TCP11L1: variants seen among roughly 807,000 people sequenced by gnomAD.
TCP11L1 encodes the protein T-complex protein 11-like protein 1.
In TCP11L1, 28 loss-of-function variants were observed where a neutral mutation model predicts 48.9. That is an observed-to-expected ratio of 0.57 (90% CI 0.42 to 0.78). The LOEUF is 0.78. Among genes scored for constraint, TCP11L1 ranks in the 30% least tolerant of loss-of-function variants. The pLI is 0.00. For synonymous variants in TCP11L1, 204 were observed against 231.9 expected (o/e 0.88, Z 1.09); for missense variants, 505 against 613.4 (o/e 0.82, Z 1.87).
At position 33,072,758 on chromosome 11, in the gene TCP11L1, GCTATATAGTACATGT is replaced by G. The variant is rs1854834624; in HGVS notation, c.*87_*101del. The G allele has an allele frequency of 8.1e-6, 12 of 1,487,194 alleles. No homozygotes were observed. The South Asian group carries it at 1.3e-4, about 16-fold the overall frequency. The allele number at this position is 1,487,194 out of a possible 1,614,324, so 92.1% of individuals were successfully genotyped here. ...TACTCTAATGTTGCATTGGAAAATG[GCTATATAGTACATGT>G]CTATTTAACAGCACCGATTCCAAAG... On this transcript the variant is annotated 3_prime_UTR_variant, in exon 10 of 10. Transcript: ENST00000334274.
At chr11:33,050,031 G>T (rs185259176) in intron 2 of TCP11L1, among the ~76,000 whole-genome samples, 115 of 152,224 alleles carry the variant, frequency 7.6e-4, no homozygotes, top group African/African-American at 2.6e-3. Context: ...GTTAGAGAAT[G>T]GTGATGACTT....
At chr11:33,051,418 C>T (rs1037779400) in intron 2 of TCP11L1, among the ~76,000 whole-genome samples, 3 of 151,712 alleles carry the variant, frequency 2.0e-5, no homozygotes, top group African/African-American at 4.8e-5. Flanking sequence ...CCGCTCGCCT[C>T]AGCCTCCCAA....
intron 1 of TCP11L1, chr11:33,040,874 T>G (rs1008998075): frequency 8.5e-5 from 13 of 152,134 alleles, no homozygotes; most frequent in African/African-American, 3.1e-4. Context: ...TTTCTCAATC[T>G]CCTCCCAGGC....
intron 7 of TCP11L1, among the ~76,000 whole-genome samples, chr11:33,065,429 A>G (rs574376028): frequency 6.6e-6 from 1 of 152,164 alleles, no homozygotes; most frequent in Admixed American, 6.5e-5. Flanking sequence ...ACACCCGGCT[A>G]GTTTTGTATT....
At chr11:33,061,763 T>C (rs764858662) in intron 7 of TCP11L1, 37 bp downstream of exon 7, 1 of 1,534,634 alleles carries the variant, frequency 6.5e-7, no homozygotes, top group East Asian at 2.3e-5. Flanking sequence ...TCATATTTGT[T>C]TTTGTGCTGC....
intron 3 of TCP11L1, 29 bp from the exon 4 acceptor site, chr11:33,057,086 C>T: frequency 6.2e-7 from 1 of 1,611,376 alleles, no homozygotes; most frequent in Non-Finnish European, 8.5e-7. Context: ...TGGTTTTTGC[C>T]CCCCTCCTTT....
At chr11:33,071,878 C>T (rs1254249743) in intron 9 of TCP11L1, among the ~76,000 whole-genome samples, 1 of 152,002 alleles carries the variant, frequency 6.6e-6, no homozygotes, top group African/African-American at 2.4e-5. Flanking sequence ...CAGAGTCTGG[C>T]TCTGTCGCCC....
In TCP11L1 at chr11:33,072,842, T is replaced by A. The variant is rs367789916; in HGVS notation, c.*166T>A. 2 of 710,448 alleles carry A rather than the reference T, an allele frequency of 2.8e-6. No individual in the cohort carries two copies. The highest frequency in any genetic ancestry group is 1.8e-5 in the African/African-American group (1 of 56,086). 44.0% of individuals were successfully genotyped at this position (710,448 alleles called of 1,614,324 possible). The stretch of plus-strand genomic sequence containing the variant: ...ACTGTTGAAAAGACTTGTTGAGAAA[T>A]CCACTGAATTCTATTTTGAGAGATT... On this transcript the variant is annotated 3_prime_UTR_variant, in exon 10 of 10. Transcript: ENST00000334274.
rs560569763 is a variant in TCP11L1 at position 33,042,224 on chromosome 11, G to A, written c.-24-1526G>A. On this transcript the variant is annotated intron_variant, in intron 1 of 9. Coordinates refer to ENST00000334274, the MANE Select transcript of TCP11L1 (RefSeq NM_018393.4). ...CGGCTCACTGCAAGCTCTGCCTCCCGGGTTCATGCCATTCTCCTGCTTCAG... is the reference window on the plus strand; with the variant it reads ...CGGCTCACTGCAAGCTCTGCCTCCCAGGTTCATGCCATTCTCCTGCTTCAG... Among the ~76,000 whole-genome samples the A allele has an allele frequency of 1.5e-4, 23 of 152,194 alleles. No individual in the cohort carries two copies. The East Asian group carries it at 3.7e-3, about 24-fold the overall frequency.
At chr11:33,066,361 G>T (rs1410196981) in intron 8 of TCP11L1, among the ~76,000 whole-genome samples, 1 of 152,138 alleles carries the variant, frequency 6.6e-6, no homozygotes, top group South Asian at 2.1e-4. Flanking sequence ...AGCAAGAGGG[G>T]GAACGTAATT....
intron 2 of TCP11L1, 149 bp from the exon 3 acceptor site, chr11:33,054,444 A>C: frequency 1.2e-6 from 1 of 858,856 alleles, no homozygotes; most frequent in Non-Finnish European, 1.8e-6. Flanking sequence ...ATGAAGTAAC[A>C]TTCTGTTGCT....
intron 9 of TCP11L1, 69 bp from the exon 10 acceptor site, chr11:33,072,405 A>T: frequency 6.5e-7 from 1 of 1,546,916 alleles, no homozygotes; most frequent in African/African-American, 1.4e-5. Flanking sequence ...TTAAGCTAAG[A>T]ACTGAAGCAC....
In TCP11L1 at chr11:33,068,742, G is replaced by A. The variant is rs1183123301; in HGVS notation, c.1210G>A (p.Val404Met). The part of the protein sequence containing the change: ...TTIGEKVCLE[V>M]SSCLSLCGSS... ...CATCGGGGAGAAGGTGTGCCTGGAGGTGAGCAGCTGCCTCTCCCTGTGTGG... is the reference window on the plus strand; with the variant it reads ...CATCGGGGAGAAGGTGTGCCTGGAGATGAGCAGCTGCCTCTCCCTGTGTGG... Residue 404 changes from valine to methionine, a missense_variant, in exon 9 of 10, where the codon GTG becomes ATG. Coordinates refer to ENST00000334274, the MANE Select transcript of TCP11L1 (RefSeq NM_018393.4). 6.2e-7 allele frequency: 1 copy of A among 1,614,164 alleles called. No individual in the cohort carries two copies. The highest frequency in any genetic ancestry group is 2.2e-5 in the East Asian group (1 of 44,874).
intron 1 of TCP11L1, chr11:33,041,145 C>CA (rs1230090643): frequency 6.6e-6 from 1 of 152,220 alleles, no homozygotes; most frequent in Non-Finnish European, 1.5e-5. Flanking sequence ...GACTTGAACT[C>CA]AATCTTAAGG....
At chr11:33,042,563 A>G (rs1329969323) in intron 1 of TCP11L1, among the ~76,000 whole-genome samples, 1 of 152,162 alleles carries the variant, frequency 6.6e-6, no homozygotes, top group Non-Finnish European at 1.5e-5. Flanking sequence ...CTTCTTACTC[A>G]CAATCTTTTT....
intron 2 of TCP11L1, 128 bp downstream of exon 2, chr11:33,044,064 A>G: frequency 1.1e-6 from 1 of 940,096 alleles, no homozygotes; most frequent in Non-Finnish European, 1.5e-6. Context: ...TGTAGCATTT[A>G]GGAATAATAG....
intron 8 of TCP11L1, among the ~76,000 whole-genome samples, chr11:33,068,115 C>T (rs1241641648): frequency 3.3e-5 from 5 of 152,068 alleles, no homozygotes; most frequent in Non-Finnish European, 5.9e-5. Flanking sequence ...GATGGGGTTT[C>T]ACCATGTTGG....
Position 33,072,664 on chromosome 11 carries a change from C to T in TCP11L1, c.1518C>T (p.Leu506=), listed in dbSNP as rs369504879. The change falls in exon 10 of 10, where the codon CTC becomes CTT. Residue 506 remains leucine (L), a synonymous_variant. Transcript: ENST00000334274. ...ACGATGCAATCCTGAGTAAGATCCT[C>T]GTCCGATCCTAACGTGTATGCACCC... The part of the protein sequence containing the change: ...PYYDAILSKI[L]VRS 2.2e-5 allele frequency: 35 copies of T among 1,614,132 alleles called. No individual in the cohort carries two copies. Among genetic ancestry groups the T allele is most frequent in the Non-Finnish European group, 2.7e-5 (32 of 1,180,038 alleles).
At position 33,061,627 on chromosome 11, in the gene TCP11L1, T is replaced by A. The variant is rs1854469698; in HGVS notation, c.873T>A (p.Ala291=). Residue 291 remains alanine (A), a synonymous_variant, in exon 7 of 10, where the codon GCT becomes GCA. Coordinates refer to ENST00000334274, the MANE Select transcript of TCP11L1 (RefSeq NM_018393.4). ...CCCTGCCAGTGGGGGGAATGGCTGC[T>A]GGCTCTGGGGACATGCCCAGGCTGA... ...KHALPVGGMA[A]GSGDMPRLSP... is the part of the protein sequence containing the mutation. 1.9e-6 allele frequency: 3 copies of A among 1,612,850 alleles called. No homozygotes were observed. The Admixed American group carries it at 5.0e-5, about 27-fold the overall frequency.
Sources: gnomAD v4.1 joint callset for allele counts (sites outside exome capture counted in the v4.1 genomes callset) on GRCh38, gnomAD v4.1.1 for gene constraint, MANE v1.5 for transcripts, NCBI Gene and HGNC (gene_info 2026-07-23, HGNC 2026-07-21) for gene names.